Variants in AK8 observed in about 807,000 individuals in gnomAD.
AK8 encodes adenylate kinase 8, also known as ATP-AMP transphosphorylase 8.
In AK8, 44 loss-of-function variants were observed where a neutral mutation model predicts 54.6. The ratio of observed to expected loss-of-function variants is 0.81; its 90% confidence interval spans 0.63 to 1.04. The LOEUF is 1.04. Among genes scored for constraint, AK8 ranks in the 50% least tolerant of loss-of-function variants. The pLI is 0.00. For synonymous variants in AK8, 239 were observed against 245.6 expected, an observed-to-expected ratio of 0.97 and a Z score of 0.25; for missense variants, 555 against 613.6, an observed-to-expected ratio of 0.90 and a Z score of 1.01.
rs769817268 is a variant in AK8, at chr9:132,790,255, CTTT to C, written c.1121+2376_1121+2378del. Among the ~76,000 whole-genome samples, 1 of 145,776 alleles carries C rather than the reference CTTT, an allele frequency of 6.9e-6. No homozygotes were observed. The highest frequency in any genetic ancestry group is 1.5e-5 in the Non-Finnish European group (1 of 65,788). ...GATTTTAAATCACGGAGCTATACTT[CTTT>C]TTTTTTTTTTGAGACGGAGTCTCAC... On this transcript the variant is annotated intron_variant, in intron 11 of 12. Coordinates refer to ENST00000298545, the MANE Select transcript of AK8 (RefSeq NM_152572.3). This position sits in a 1 kb window ranked among gnomAD's most constrained non-coding sequence, Gnocchi z 4.1.
At chr9:132,838,555 G>C (rs147016412) in intron 5 of AK8, among the ~76,000 whole-genome samples, 1 of 152,228 alleles carries the variant, frequency 6.6e-6, no homozygotes, top group Admixed American at 6.5e-5. Context: ...TCCAGGTGTT[G>C]CATCTGATGA....
At chr9:132,808,618 G>C (rs534728040) in intron 10 of AK8, among the ~76,000 whole-genome samples, 1 of 152,354 alleles carries the variant, frequency 6.6e-6, no homozygotes, top group African/African-American at 2.4e-5. Flanking sequence ...ATGAGGCCTG[G>C]AGTGGGGATA....
rs902132608 is a variant in AK8, at chr9:132,868,651, G to C, written c.170-1698C>G. On this transcript the variant is annotated intron_variant, in intron 2 of 12. Transcript: ENST00000298545. ...ACAGGTGGAGTTGCTGTCCCCACAG[G>C]AAGAGAAGCTCCCAAGGGCAGAGAC... Among the ~76,000 whole-genome samples the C allele has an allele frequency of 3.3e-5, 5 of 152,302 alleles. 1 individual carries two copies. The highest frequency in any genetic ancestry group is 1.9e-4 in the East Asian group (1 of 5,172).
chr9:132,815,173 G>A (rs1299186229), intron 9 of AK8, among the ~76,000 whole-genome samples: 2 of 152,182 alleles, frequency 1.3e-5, no homozygotes, highest in Admixed American at 1.3e-4. Flanking sequence ...CAGCAGAGGG[G>A]GTGCAGTGTG....
intron 3 of AK8, 53 bp downstream of exon 3, chr9:132,866,851 T>TGGA: frequency 6.5e-7 from 1 of 1,549,692 alleles, no homozygotes; most frequent in Non-Finnish European, 8.9e-7. Context: ...ATTCCAGCTC[T>TGGA]GGAGGATCAA....
At chr9:132,878,630 C>G, upstream of AK8, 1 of 1,046,340 alleles carries the variant, frequency 9.6e-7, no homozygotes, top group Non-Finnish European at 1.1e-6. The surrounding 1 kb of genome is among the most constrained non-coding windows in gnomAD (Gnocchi z 4.7). Flanking sequence ...CGGCCCGGCT[C>G]CCTGTGCCTC....
Position 132,828,701 on chromosome 9 carries a change from T to C in AK8, c.428A>G (p.Glu143Gly). Residue 143 changes from glutamate to glycine, a missense_variant, in exon 6 of 13, where the codon GAG becomes GGG. Glu to Gly is a moderately conservative substitution (Grantham distance 98). Transcript: ENST00000298545. ...GATCCTCAGAGCCTGCTCACGCGTC[T>C]CAGGGATGCCATCCAGAATCCAGCC... is the stretch of plus-strand genomic sequence containing the variant. ...KQGWILDGIP[E>G]TREQALRIQT... is the part of the protein sequence containing the mutation. 6.2e-7 allele frequency: 1 copy of C among 1,612,104 alleles called. No individual in the cohort carries two copies. Among genetic ancestry groups the C allele is most frequent in the Non-Finnish European group, 8.5e-7 (1 of 1,178,594 alleles).
chr9:132,814,905 C>G (rs1334065254), intron 9 of AK8, among the ~76,000 whole-genome samples, 178 bp from the exon 10 acceptor site: 2 of 151,842 alleles, frequency 1.3e-5, no homozygotes, highest in Non-Finnish European at 2.9e-5. Flanking sequence ...CAAAAAGGAG[C>G]CGGGAAATAA....
At chr9:132,783,303 G>A (rs1477982031) in intron 11 of AK8, among the ~76,000 whole-genome samples, 14 of 152,248 alleles carry the variant, frequency 9.2e-5, no homozygotes, top group East Asian at 7.7e-4. Context: ...GCAAGGAAAC[G>A]GATTTTGCCC....
chr9:132,848,115 C>CAAAAAAAAAAAAAAAAAAAAAAAAAAA (rs796764891), intron 5 of AK8, among the ~76,000 whole-genome samples: 1 of 52,538 alleles, frequency 1.9e-5, no homozygotes, highest in Non-Finnish European at 3.5e-5. Context: ...CACCCTGTTT[C>CAAAAAAAAAAAAAAAAAAAAAAAAAAA]AAAAAAAAAA....
chr9:132,852,797 AAAG>A (rs1338647318), intron 5 of AK8, among the ~76,000 whole-genome samples: 1 of 146,326 alleles, frequency 6.8e-6, no homozygotes, highest in East Asian at 2.0e-4. Context: ...AAAAAAAAAG[AAAG>A]AAAGAAAAAA....
intron 5 of AK8, among the ~76,000 whole-genome samples, chr9:132,831,925 G>A (rs947513206): frequency 4.0e-5 from 6 of 151,660 alleles, no homozygotes; most frequent in African/African-American, 9.7e-5. Context: ...AGCCAGGCGC[G>A]TTGGTGCACA....
chr9:132,875,361 T>A, intron 1 of AK8, 162 bp from the exon 2 acceptor site: 1 of 973,880 alleles, frequency 1.0e-6, no homozygotes, highest in Non-Finnish European at 1.2e-6. Context: ...TGGGTCCCCA[T>A]GAGCAGAGGC....
At chr9:132,742,460 C>A (rs1461372440) in intron 11 of AK8, among the ~76,000 whole-genome samples, 2 of 152,228 alleles carry the variant, frequency 1.3e-5, no homozygotes, top group Non-Finnish European at 2.9e-5. Context: ...GCGTGAGCCA[C>A]GGTGCTAGCC....
intron 9 of AK8, among the ~76,000 whole-genome samples, chr9:132,817,684 G>A (rs1354910339): frequency 6.6e-6 from 1 of 152,176 alleles, no homozygotes; most frequent in Non-Finnish European, 1.5e-5. Context: ...CAAAGAGGGG[G>A]ATGGGAAAGG....
intron 11 of AK8, among the ~76,000 whole-genome samples, chr9:132,731,204 T>C (rs980069395): frequency 1.3e-5 from 2 of 151,868 alleles, no homozygotes; most frequent in Non-Finnish European, 2.9e-5. Context: ...GAATTCCGAG[T>C]GATTTGTGTG....
chr9:132,799,625 CACACCCCT>C lies in AK8; in HGVS notation c.980-6858_980-6851del, dbSNP rs1393667864. ...CACACACACACACACCACACACCCCCACACCCCTACACCCCACCACGTGCACAACACAT... is the reference window on the plus strand; with the variant it reads ...CACACACACACACACCACACACCCCCACACCCCACCACGTGCACAACACAT... On this transcript the variant is annotated intron_variant, in intron 10 of 12. Transcript: ENST00000298545. The surrounding 1 kb of genome is among the most constrained non-coding windows in gnomAD (Gnocchi z 5.0). 6.6e-6 allele frequency among the ~76,000 whole-genome samples: 1 copy of C among 152,018 alleles called. No individual in the cohort carries two copies. Among genetic ancestry groups the C allele is most frequent in the African/African-American group, 2.4e-5 (1 of 41,464 alleles).
At chr9:132,743,776 T>A (rs1025444576) in intron 11 of AK8, among the ~76,000 whole-genome samples, 1 of 152,184 alleles carries the variant, frequency 6.6e-6, no homozygotes, top group Non-Finnish European at 1.5e-5. Context: ...TTAATCCTCG[T>A]GAGAAGTACA....
rs1836643634 is a variant in AK8, at chr9:132,727,741, A to C, written c.1122-207T>G. 5.6e-6 allele frequency: 3 copies of C among 534,698 alleles called. No homozygotes were observed. In the East Asian group the frequency reaches 9.7e-5, roughly 17 times the overall value. 33.1% of individuals were successfully genotyped at this position (534,698 alleles called of 1,614,324 possible). On this transcript the variant is annotated intron_variant, in intron 11 of 12. Coordinates refer to ENST00000298545, the MANE Select transcript of AK8 (RefSeq NM_152572.3). ...CTGTGTCCCCCCAACCGCCTCCTTC[A>C]TCTGACTCTCACACCCCAAACCAAT...
Sources: allele counts gnomAD v4.1 joint callset (sites outside exome capture counted in the v4.1 genomes callset), GRCh38; gene constraint gnomAD v4.1.1; non-coding constraint Gnocchi (gnomAD v3.1); transcripts MANE v1.5; gene names NCBI Gene and HGNC (gene_info 2026-07-23, HGNC 2026-07-21).